The following RAPGEF4 variants were observed in gnomAD, a reference collection of about 807,000 sequenced individuals.
RAPGEF4 encodes Rap guanine nucleotide exchange factor 4, also known as RAP guanine-nucleotide-exchange factor (GEF) 4.
A neutral mutation model predicts 147.9 loss-of-function variants in RAPGEF4; 66 were observed. The observed-to-expected ratio is 0.45, with a 90% CI of 0.37 to 0.55. The LOEUF (loss-of-function observed/expected upper bound fraction) is 0.55, where lower values mean the gene tolerates loss of function less well. Among genes scored for constraint, RAPGEF4 ranks in the 20% least tolerant of loss-of-function variants. The pLI, the probability that RAPGEF4 is intolerant of heterozygous loss-of-function variation, is 0.00. For missense variants in RAPGEF4, 1,071 were observed against 1,257.3 expected (o/e 0.85, Z 2.24); for synonymous variants, 419 against 442.7 (o/e 0.95, Z 0.67).
chr2:172,932,755 C>T (rs537337272), intron 6 of RAPGEF4, among the ~76,000 whole-genome samples: 1 of 152,194 alleles, frequency 6.6e-6, no homozygotes, highest in South Asian at 2.1e-4. Context: ...CACGTTGTAA[C>T]GTATGTTTGT....
At chr2:173,020,365 C>T (rs1458491538) in intron 22 of RAPGEF4, among the ~76,000 whole-genome samples, 1 of 152,124 alleles carries the variant, frequency 6.6e-6, no homozygotes, top group East Asian at 1.9e-4. Flanking sequence ...ATGGTTGCAG[C>T]ACAAAACTGG....
At position 173,051,760 on chromosome 2, in the gene RAPGEF4, G is replaced by A. The variant is rs1264581982; in HGVS notation, c.3029G>A (p.Arg1010Gln). 3.7e-6 allele frequency: 6 copies of A among 1,613,384 alleles called. No individual in the cohort carries two copies. The highest frequency in any genetic ancestry group is 5.1e-6 in the Non-Finnish European group (6 of 1,179,674). ...SQMSHRLEPR[R>Q]P ...ATGTCACACAGATTAGAGCCTCGTC[G>A]ACCATAGACATTTCAAATGCCCAAA... is the stretch of plus-strand genomic sequence containing the variant. The change falls in exon 31 of 31, where the codon CGA becomes CAA. Residue 1010 changes from arginine to glutamine, a missense_variant. Physicochemically the swap from Arg to Gln is conservative, Grantham distance 43. Transcript: ENST00000397081.
At chr2:173,046,271 A>G (rs976422476) in intron 29 of RAPGEF4, among the ~76,000 whole-genome samples, 8 of 152,254 alleles carry the variant, frequency 5.3e-5, no homozygotes, top group African/African-American at 1.9e-4. Context: ...TACTGATTTA[A>G]ACAATTGTTC....
At chr2:172,948,159 A>G (rs1687868927) in intron 6 of RAPGEF4, among the ~76,000 whole-genome samples, 2 of 152,088 alleles carry the variant, frequency 1.3e-5, no homozygotes, top group Non-Finnish European at 2.9e-5. Flanking sequence ...TGTATTGTTC[A>G]TTCTGTTGGT....
At chr2:173,027,483 C>T (rs1289720148) in intron 25 of RAPGEF4, among the ~76,000 whole-genome samples, 3 of 152,200 alleles carry the variant, frequency 2.0e-5, no homozygotes, top group African/African-American at 4.8e-5. Context: ...ATGCTGGAGT[C>T]GAAGTTGTGA....
At chr2:172,834,639 T>C (rs1451958243) in intron 4 of RAPGEF4, among the ~76,000 whole-genome samples, 1 of 152,202 alleles carries the variant, frequency 6.6e-6, no homozygotes, top group African/African-American at 2.4e-5. Context: ...ATTGGAACAT[T>C]TGGGATTTCA....
intron 1 of RAPGEF4, among the ~76,000 whole-genome samples, chr2:172,772,989 C>A (rs1424687428): frequency 6.6e-6 from 1 of 152,132 alleles, no homozygotes; most frequent in Non-Finnish European, 1.5e-5. Context: ...GATTAAAACT[C>A]ATTAGGTCCA....
rs1229200016 is a variant in RAPGEF4, at chr2:172,797,511, T to C, written c.209-14T>C. ...TGTATCTGTTATATTTATATCACAA[T>C]TTTTTTTTCCCAGTATTTCGCCAGG... On this transcript the variant is annotated splice_polypyrimidine_tract_variant and intron_variant, in intron 2 of 30. Transcript: ENST00000397081. 6.4e-7 allele frequency: 1 copy of C among 1,567,654 alleles called. No homozygotes were observed. The highest frequency in any genetic ancestry group is 8.7e-7 in the Non-Finnish European group (1 of 1,144,638).
chr2:172,968,391 A>G (rs749034541), intron 10 of RAPGEF4, among the ~76,000 whole-genome samples: 3 of 152,180 alleles, frequency 2.0e-5, no homozygotes, highest in Admixed American at 6.5e-5. Flanking sequence ...GGTGCTTTCC[A>G]AGAGTGAAGT....
At chr2:173,035,416 C>T (rs1331705780) in intron 27 of RAPGEF4, among the ~76,000 whole-genome samples, 1 of 150,834 alleles carries the variant, frequency 6.6e-6, no homozygotes, top group Non-Finnish European at 1.5e-5. Flanking sequence ...GAGGCTGAGG[C>T]AGGAGAATGG....
chr2:173,048,346 TG>T, intron 29 of RAPGEF4: 1 of 668,530 alleles, frequency 1.5e-6, no homozygotes, highest in Non-Finnish European at 2.2e-6. Context: ...TTTTACATCA[TG>T]GGGAATATGC....
chr2:172,792,705 G>A (rs971199504), intron 1 of RAPGEF4, among the ~76,000 whole-genome samples: 1 of 152,184 alleles, frequency 6.6e-6, no homozygotes, highest in African/African-American at 2.4e-5. Flanking sequence ...ATCTACTCAT[G>A]TCCTCTGAAA....
chr2:172,822,308 A>G (rs1169018708), intron 4 of RAPGEF4, among the ~76,000 whole-genome samples: 1 of 152,206 alleles, frequency 6.6e-6, no homozygotes, highest in Non-Finnish European at 1.5e-5. Flanking sequence ...AATTACATAC[A>G]TGTATTTTTC....
At chr2:172,988,659 G>C in intron 13 of RAPGEF4, 34 bp from the exon 14 acceptor site, 1 of 1,589,934 alleles carries the variant, frequency 6.3e-7, no homozygotes, top group Non-Finnish European at 8.6e-7. Context: ...CTATTTCAGG[G>C]ATCTTCTTCA....
intron 4 of RAPGEF4, among the ~76,000 whole-genome samples, chr2:172,904,059 T>C (rs1401716375): frequency 6.6e-6 from 1 of 152,192 alleles, no homozygotes; most frequent in African/African-American, 2.4e-5. Context: ...AATGATCCTT[T>C]ATTTTAGGTT....
At chr2:172,799,400 A>G (rs989673010) in intron 3 of RAPGEF4, among the ~76,000 whole-genome samples, 2 of 152,142 alleles carry the variant, frequency 1.3e-5, no homozygotes, top group African/African-American at 4.8e-5. Context: ...GCTCTCCACC[A>G]TTTGACTCTT....
chr2:172,949,794 A>G (rs985639460), intron 6 of RAPGEF4, among the ~76,000 whole-genome samples: 1 of 152,244 alleles, frequency 6.6e-6, no homozygotes, highest in Non-Finnish European at 1.5e-5. Context: ...ATGTTTGCAC[A>G]GGTATTTTTA....
Position 173,020,707 on chromosome 2 carries a change from G to T in RAPGEF4, c.2245G>T (p.Asp749Tyr). ...GTTTGCTTGCCCGCGAGAGCAATTC[G>T]ATTCACTGGTAGGTGTGGATGGCCT... is the stretch of plus-strand genomic sequence containing the variant. ...RLFACPREQF[D>Y]SLTPLPEQEG... The change falls in exon 23 of 31, where the codon GAT (aspartate) becomes TAT (tyrosine). Residue 749 changes from aspartate (D) to tyrosine (Y), a missense_variant. By Grantham distance (160) the Asp-to-Tyr change is radical. Coordinates refer to ENST00000397081, the MANE Select transcript of RAPGEF4 (RefSeq NM_007023.4). The T allele has an allele frequency of 6.2e-7, 1 of 1,612,842 alleles. No homozygotes were observed. Among genetic ancestry groups the T allele is most frequent in the Non-Finnish European group, 8.5e-7 (1 of 1,179,128 alleles).
chr2:172,946,606 T>A (rs548223653), intron 6 of RAPGEF4, among the ~76,000 whole-genome samples: 18 of 152,326 alleles, frequency 1.2e-4, no homozygotes, highest in Middle Eastern at 3.4e-3. Flanking sequence ...TGCAATTCCA[T>A]CTGCTCTCTC....
Sources: allele counts gnomAD v4.1 joint callset (sites outside exome capture counted in the v4.1 genomes callset), GRCh38; gene constraint gnomAD v4.1.1; transcripts MANE v1.5; gene names NCBI Gene and HGNC (gene_info 2026-07-23, HGNC 2026-07-21).